The following TBC1D5 variants were observed in gnomAD, a reference collection of about 807,000 sequenced individuals.
The protein encoded by TBC1D5 is TBC1 domain family member 5, also known as TBC1 domain family, member 5.
Under a neutral mutation model 100.3 loss-of-function variants are expected in TBC1D5, and 75 were observed. The ratio of observed to expected loss-of-function variants is 0.75; its 90% CI spans 0.62 to 0.91. The LOEUF is 0.91. Ranked by LOEUF, TBC1D5 falls within the 40% of genes least tolerant of loss-of-function variation. The probability of loss-of-function intolerance (pLI) is 0.00; values close to 1 mark genes in which losing one functional copy is unlikely to be tolerated. For synonymous variants in TBC1D5, 323 were observed against 325.6 expected (o/e 0.99, Z 0.09); for missense variants, 910 against 942.4 (o/e 0.97, Z 0.45).
intron 1 of TBC1D5, among the ~76,000 whole-genome samples, chr3:17,676,054 CT>C (rs2068586473): frequency 6.6e-6 from 1 of 151,982 alleles, no homozygotes; most frequent in African/African-American, 2.4e-5. Context: ...CTCATGACTA[CT>C]TTGTCATTTA....
chr3:17,204,988 G>A (rs1170572256), intron 18 of TBC1D5, among the ~76,000 whole-genome samples: 1 of 152,124 alleles, frequency 6.6e-6, no homozygotes, highest in Non-Finnish European at 1.5e-5. Flanking sequence ...ACGTTTACTG[G>A]CAGACAGATT....
Position 17,214,436 on chromosome 3 carries a change from G to A in TBC1D5, c.1589-66C>T, listed in dbSNP as rs879169217. On this transcript the variant is annotated intron_variant, in intron 17 of 21. Transcript: ENST00000253692. ...CTTTCACTAAGCTATTCGATCTACT[G>A]TTTTTAATAAATGATGATCAATTAT... is the stretch of plus-strand genomic sequence containing the variant. 2.7e-6 allele frequency: 4 copies of A among 1,497,446 alleles called. No individual in the cohort carries two copies. The East Asian group carries it at 9.3e-5, about 35-fold the overall frequency. The allele number at this position is 1,497,446 out of a possible 1,614,324, so 92.8% of individuals were successfully genotyped here.
chr3:17,606,397 C>T (rs1188652599), intron 2 of TBC1D5, among the ~76,000 whole-genome samples: 1 of 152,050 alleles, frequency 6.6e-6, no homozygotes, highest in Non-Finnish European at 1.5e-5. Context: ...CTGCAGTGAG[C>T]GGTGATTGCA....
chr3:17,681,351 C>T lies in TBC1D5; in HGVS notation c.-100-57438G>A, dbSNP rs138871636. ...AATACGCCACTCTGGTTACCTGGTT[C>T]AACTTAACAAGTCATGTATGTTCTA... On this transcript the variant is annotated intron_variant, in intron 1 of 21. Transcript: ENST00000253692. Among the ~76,000 whole-genome samples the T allele has an allele frequency of 3.2e-3, 488 of 151,672 alleles. 7 individuals carry two copies. The highest frequency in any genetic ancestry group is 0.017 in the Middle Eastern group (5 of 292).
chr3:17,175,798 G>A (rs561528226), intron 19 of TBC1D5, among the ~76,000 whole-genome samples: 18 of 152,186 alleles, frequency 1.2e-4, no homozygotes, highest in African/African-American at 4.3e-4. Context: ...GCTGACATGA[G>A]GAGTGAGTAA....
intron 13 of TBC1D5, among the ~76,000 whole-genome samples, chr3:17,344,468 T>G (rs879937857): frequency 2.0e-5 from 3 of 151,182 alleles, no homozygotes; most frequent in Admixed American, 2.0e-4. Flanking sequence ...GAAGAATCAA[T>G]ATTGTGAAAA....
chr3:17,308,427 A>C (rs1393163963), intron 13 of TBC1D5, among the ~76,000 whole-genome samples: 2 of 152,132 alleles, frequency 1.3e-5, no homozygotes, highest in Non-Finnish European at 2.9e-5. Context: ...GGTGAAGAAA[A>C]AATGAATGTT....
At chr3:17,718,616 A>G (rs1457447486) in intron 1 of TBC1D5, among the ~76,000 whole-genome samples, 4 of 152,048 alleles carry the variant, frequency 2.6e-5, no homozygotes, top group Non-Finnish European at 4.4e-5. Flanking sequence ...AAATAAAATA[A>G]TTTACCATTG....
intron 9 of TBC1D5, among the ~76,000 whole-genome samples, chr3:17,382,600 G>A (rs555299728): frequency 1.2e-3 from 181 of 146,438 alleles, no homozygotes; most frequent in African/African-American, 4.3e-3. Flanking sequence ...TCACTCTTTC[G>A]CTCAGGCTAG....
intron 9 of TBC1D5, among the ~76,000 whole-genome samples, chr3:17,380,327 C>CT (rs1419279146): frequency 1.3e-5 from 2 of 151,886 alleles, no homozygotes; most frequent in Non-Finnish European, 2.9e-5. Context: ...TCAGTTTTGA[C>CT]TTTCATCTAA....
intron 1 of TBC1D5, among the ~76,000 whole-genome samples, chr3:17,725,752 T>C (rs903157613): frequency 6.6e-6 from 1 of 152,210 alleles, no homozygotes; most frequent in Non-Finnish European, 1.5e-5. Context: ...ATGTGCATGT[T>C]TGTCATATAC....
intron 13 of TBC1D5, among the ~76,000 whole-genome samples, chr3:17,309,969 AC>A (rs2083827836): frequency 6.6e-6 from 1 of 152,146 alleles, no homozygotes; most frequent in South Asian, 2.1e-4. Flanking sequence ...GAAGGTTAAT[AC>A]ACAACTACAG....
At chr3:17,353,909 A>T (rs1421823970) in intron 13 of TBC1D5, among the ~76,000 whole-genome samples, 1 of 152,122 alleles carries the variant, frequency 6.6e-6, no homozygotes, top group African/African-American at 2.4e-5. Flanking sequence ...TGTTAACTTC[A>T]TGTTGCCTAT....
intron 3 of TBC1D5, among the ~76,000 whole-genome samples, chr3:17,458,320 T>C (rs2095133251): frequency 6.6e-6 from 1 of 152,210 alleles, no homozygotes; most frequent in Non-Finnish European, 1.5e-5. Context: ...ATGGTAATTG[T>C]TGCAGCGCTT....
chr3:17,407,502 A>G (rs1261418009), intron 4 of TBC1D5, among the ~76,000 whole-genome samples: 2 of 152,156 alleles, frequency 1.3e-5, no homozygotes, highest in African/African-American at 4.8e-5. Context: ...GATTTCTGAA[A>G]AAGAAAGCCA....
At chr3:17,689,518 CAA>C (rs373476990) in intron 1 of TBC1D5, among the ~76,000 whole-genome samples, 19 of 55,048 alleles carry the variant, frequency 3.5e-4, no homozygotes, top group Admixed American at 5.3e-4. Context: ...GACCCTGTCT[CAA>C]AAAAAAAAAA....
At chr3:17,198,034 C>T (rs995473116) in intron 18 of TBC1D5, among the ~76,000 whole-genome samples, 1 of 151,930 alleles carries the variant, frequency 6.6e-6, no homozygotes, top group Non-Finnish European at 1.5e-5. Context: ...GAGTCCCTGT[C>T]TCAAGAAAAA....
chr3:17,724,550 T>A (rs1464466354), intron 1 of TBC1D5, among the ~76,000 whole-genome samples: 2 of 152,230 alleles, frequency 1.3e-5, no homozygotes, highest in South Asian at 4.1e-4. Flanking sequence ...ATTTTCTTTG[T>A]TGTTGATGTT....
chr3:17,389,082 T>C (rs13353435), intron 8 of TBC1D5, among the ~76,000 whole-genome samples: 61,482 of 151,988 alleles, frequency 0.4, 13,117 homozygotes, highest in Middle Eastern at 0.47. Flanking sequence ...ATCTATAGAC[T>C]TGTCCTTCTT....
Sources: allele counts gnomAD v4.1 joint callset (sites outside exome capture counted in the v4.1 genomes callset), GRCh38; gene constraint gnomAD v4.1.1; transcripts MANE v1.5; gene names NCBI Gene and HGNC (gene_info 2026-07-23, HGNC 2026-07-21).